The following ARSJ variants were observed in gnomAD, a reference collection of about 807,000 sequenced individuals.
ARSJ encodes the protein arylsulfatase family member J, also known as arylsulfatase J.
A neutral mutation model predicts 35.9 loss-of-function variants in ARSJ; 26 were observed. The ratio of observed to expected loss-of-function variants is 0.72; its 90% CI spans 0.53 to 1.00. The LOEUF (loss-of-function observed/expected upper bound fraction) is 1.00, where lower values mean the gene tolerates loss of function less well. Among genes scored for constraint, ARSJ ranks in the 50% least tolerant of loss-of-function variants. ARSJ has a pLI of 0.00. For missense variants in ARSJ, 667 were observed against 723.6 expected, an observed-to-expected ratio of 0.92 and a Z score of 0.90; for synonymous variants, 294 against 267.6, an observed-to-expected ratio of 1.10 and a Z score of -0.96.
rs115126967 is a variant in ARSJ at position 113,979,290 on chromosome 4, C to T, written c.-456G>A. 0.011 allele frequency: 1,690 copies of T among 160,100 alleles called. 33 individuals are homozygous for T. Among genetic ancestry groups the T allele is most frequent in the African/African-American group, 0.039 (1,620 of 41,648 alleles). 9.9% of individuals were successfully genotyped at this position (160,100 alleles called of 1,614,324 possible). A position where few individuals can be genotyped will look rare whatever the true frequency, so the allele number is the denominator to read the frequency against. On this transcript the variant is annotated 5_prime_UTR_variant, in exon 1 of 2. Coordinates refer to ENST00000315366, the MANE Select transcript of ARSJ (RefSeq NM_024590.4). ...GCGGCGGGATCGGCCGTCTGTCCTG[C>T]GGTCCCCACACCTGGAAAGAACTGC...
chr4:113,928,857 G>T (rs1015276933), intron 1 of ARSJ, among the ~76,000 whole-genome samples: 5 of 152,102 alleles, frequency 3.3e-5, no homozygotes, highest in Non-Finnish European at 7.4e-5. Context: ...GGGATGAGTA[G>T]GTTTGAAGTG....
chr4:113,936,193 G>T (rs985486757), intron 1 of ARSJ, among the ~76,000 whole-genome samples: 1 of 151,906 alleles, frequency 6.6e-6, no homozygotes, highest in African/African-American at 2.4e-5. Context: ...TGCAGTATGA[G>T]TAAAAGCATT....
At chr4:113,935,721 A>G (rs1052271781) in intron 1 of ARSJ, among the ~76,000 whole-genome samples, 1 of 151,932 alleles carries the variant, frequency 6.6e-6, no homozygotes, top group African/African-American at 2.4e-5. Flanking sequence ...GCCATTCAAA[A>G]GAAAAAGGAT....
At chr4:113,910,286 C>T (rs2099670050) in intron 1 of ARSJ, among the ~76,000 whole-genome samples, 2 of 152,108 alleles carry the variant, frequency 1.3e-5, no homozygotes. Context: ...ATACTATAGT[C>T]TATGAATTCT....
chr4:113,964,382 A>T (rs1031694825), intron 1 of ARSJ, among the ~76,000 whole-genome samples: 3 of 152,094 alleles, frequency 2.0e-5, no homozygotes, highest in Non-Finnish European at 4.4e-5. Flanking sequence ...TAATTTCATG[A>T]TACAGTTCTC....
chr4:113,950,062 T>A (rs530151292), intron 1 of ARSJ, among the ~76,000 whole-genome samples: 2 of 152,046 alleles, frequency 1.3e-5, no homozygotes, highest in African/African-American at 4.8e-5. Flanking sequence ...TAGAAATAGA[T>A]GCTATACAGA....
chr4:113,908,587 T>TTC (rs386401197), intron 1 of ARSJ, among the ~76,000 whole-genome samples: 1 of 8,366 alleles, frequency 1.2e-4, no homozygotes, highest in Admixed American at 1.2e-3. Flanking sequence ...GTAATTAATC[T>TTC]ATATAAAGGC....
intron 1 of ARSJ, among the ~76,000 whole-genome samples, chr4:113,910,086 AC>A (rs2099669987): frequency 6.6e-6 from 1 of 152,188 alleles, no homozygotes; most frequent in Admixed American, 6.6e-5. Context: ...CAGTCTGGCT[AC>A]CATGTGAAGA....
At chr4:113,954,994 T>TTTTTC in intron 1 of ARSJ, among the ~76,000 whole-genome samples, 1 of 149,710 alleles carries the variant, frequency 6.7e-6, no homozygotes, top group East Asian at 1.9e-4. Context: ...TTGACTTTTC[T>TTTTTC]TTTTCTTTTC....
At chr4:113,921,117 A>ACACACACT (rs70961862) in intron 1 of ARSJ, among the ~76,000 whole-genome samples, 2,050 of 149,366 alleles carry the variant, frequency 0.014, 36 homozygotes, top group African/African-American at 0.042. Context: ...ACACACACAC[A>ACACACACT]CTTTAAATAA....
At chr4:113,929,815 A>G (rs753494837) in intron 1 of ARSJ, among the ~76,000 whole-genome samples, 1 of 152,138 alleles carries the variant, frequency 6.6e-6, no homozygotes, top group Non-Finnish European at 1.5e-5. Flanking sequence ...AACGGAACTT[A>G]GGAACAATCA....
rs1380578905 is a variant in ARSJ, at chr4:113,902,338, T to C, written c.1736A>G (p.Lys579Arg). 8 of 1,612,096 alleles carry C rather than the reference T, an allele frequency of 5.0e-6. No homozygotes were observed. The Middle Eastern group carries it at 4.9e-4, about 99-fold the overall frequency. ...GACTGCTTTCTGCTGTTTCTTCTTC[T>C]TTTTTTTGCTTTTCTTTTGCTTTTT... ...AEKKQKKSKK[K>R]KKKQQKAVSG... is the part of the protein sequence containing the mutation. Residue 579 changes from lysine (K) to arginine (R), a missense_variant, in exon 2 of 2, where the codon AAG (lysine) becomes AGG (arginine). By Grantham distance (26) the Lys-to-Arg change is conservative. Transcript: ENST00000315366.
chr4:113,948,980 A>C (rs1725678710), intron 1 of ARSJ, among the ~76,000 whole-genome samples: 1 of 152,158 alleles, frequency 6.6e-6, no homozygotes, highest in Non-Finnish European at 1.5e-5. Flanking sequence ...AAAATGTGGC[A>C]CATACGCACC....
intron 1 of ARSJ, among the ~76,000 whole-genome samples, chr4:113,935,866 C>T (rs1562354100): frequency 2.0e-5 from 3 of 151,874 alleles, no homozygotes; most frequent in Admixed American, 2.0e-4. Context: ...GTACAACTTC[C>T]ATTAGGTAGC....
chr4:113,946,332 T>C (rs1725481917), intron 1 of ARSJ: 1 of 151,940 alleles, frequency 6.6e-6, no homozygotes, highest in Non-Finnish European at 1.5e-5. Context: ...ATGAAGACAA[T>C]GATGCAGGCA....
At position 113,978,702 on chromosome 4, in the gene ARSJ, A is replaced by G; in HGVS notation, c.133T>C (p.Ser45Pro). 1 of 1,614,228 alleles carries G rather than the reference A, an allele frequency of 6.2e-7. No homozygotes were observed. The highest frequency in any genetic ancestry group is 1.1e-5 in the South Asian group (1 of 91,088). Residue 45 changes from serine (S) to proline (P), a missense_variant, in exon 1 of 2, where the codon TCC becomes CCC. Ser to Pro is a moderately conservative substitution (Grantham distance 74). Coordinates refer to ENST00000315366, the MANE Select transcript of ARSJ (RefSeq NM_024590.4). ...TCCTCTTCTAAGGCCTGGCCCCAGGACAGGTAACCATAAGTGAGGAGGCAG... is the reference window on the plus strand; with the variant it reads ...TCCTCTTCTAAGGCCTGGCCCCAGGGCAGGTAACCATAAGTGAGGAGGCAG... ...ILCLLTYGYLSWGQALEEEEE... is the reference protein window; with the variant it reads ...ILCLLTYGYLPWGQALEEEEE...
Position 113,979,017 on chromosome 4 carries a change from T to A in ARSJ, c.-183A>T, listed in dbSNP as rs1041597650. The A allele has an allele frequency of 1.2e-5, 7 of 573,324 alleles. No individual in the cohort carries two copies. The Admixed American group carries it at 2.1e-4, about 17-fold the overall frequency. The allele number at this position is 573,324 out of a possible 1,614,324, so 35.5% of individuals were successfully genotyped here. On this transcript the variant is annotated 5_prime_UTR_variant, in exon 1 of 2. Transcript: ENST00000315366. Reference sequence around the variant, plus strand: ...GAAGTGATGGCTTAATGGATGGGACTCCGGAAGAACAAGGAGGGCTCGCTC... The same window carrying A: ...GAAGTGATGGCTTAATGGATGGGACACCGGAAGAACAAGGAGGGCTCGCTC...
Position 113,902,028 on chromosome 4 carries a change from A to G in ARSJ, c.*246T>C. ...AACTCAGGACTCACCACGTTTTCTAAAGGAGCAAGAGAAATAAACATCTCC... is the reference window on the plus strand; with the variant it reads ...AACTCAGGACTCACCACGTTTTCTAGAGGAGCAAGAGAAATAAACATCTCC... On this transcript the variant is annotated 3_prime_UTR_variant, in exon 2 of 2. Transcript: ENST00000315366. 8.3e-7 allele frequency: 1 copy of G among 1,204,224 alleles called. No homozygotes were observed. The highest frequency in any genetic ancestry group is 1.1e-6 in the Non-Finnish European group (1 of 887,998). The allele number at this position is 1,204,224 out of a possible 1,614,324, so 74.6% of individuals were successfully genotyped here.
chr4:113,968,849 C>T (rs527666553), intron 1 of ARSJ, among the ~76,000 whole-genome samples: 1 of 152,232 alleles, frequency 6.6e-6, no homozygotes, highest in South Asian at 2.1e-4. Context: ...GAGGTGGATT[C>T]AGAACCTGTA....
Sources: allele counts gnomAD v4.1 joint callset (sites outside exome capture counted in the v4.1 genomes callset), GRCh38; gene constraint gnomAD v4.1.1; transcripts MANE v1.5; gene names NCBI Gene and HGNC (gene_info 2026-07-23, HGNC 2026-07-21).